The following CALN1 variants were observed in gnomAD, a reference collection of about 807,000 sequenced individuals.
CALN1 encodes calcium-binding protein 8.
In CALN1, 17 loss-of-function variants were observed where a neutral mutation model predicts 30.6. That is an observed-to-expected ratio of 0.56 (90% CI 0.38 to 0.83). The LOEUF (loss-of-function observed/expected upper bound fraction) is 0.83, where lower values mean the gene tolerates loss of function less well. Ranked by LOEUF, CALN1 falls within the 40% of genes least tolerant of loss-of-function variation. The probability of loss-of-function intolerance (pLI) is 0.00; values close to 1 mark genes in which losing one functional copy is unlikely to be tolerated. For synonymous variants in CALN1, 156 were observed against 131.4 expected (o/e 1.19, Z -1.28); for missense variants, 291 against 354.9 (o/e 0.82, Z 1.45).
intron 5 of CALN1, among the ~76,000 whole-genome samples, chr7:71,919,572 T>C (rs17144122): frequency 0.086 from 13,048 of 152,220 alleles, 975 homozygotes; most frequent in East Asian, 0.42. Context: ...TGATAGTAGC[T>C]ATAACAGAAC....
the CALN1 span, among the ~76,000 whole-genome samples, chr7:72,453,905 T>A: frequency 6.6e-6 from 1 of 152,070 alleles, no homozygotes; most frequent in Non-Finnish European, 1.5e-5. Flanking sequence ...TTGTATTACG[T>A]ATTTGTCATT....
At chr7:72,089,294 G>A (rs943117273) in intron 4 of CALN1, among the ~76,000 whole-genome samples, 2 of 152,116 alleles carry the variant, frequency 1.3e-5, no homozygotes, top group South Asian at 2.1e-4. Context: ...TCACTAAAGA[G>A]GGTAAAAGTA....
intron 6 of CALN1, among the ~76,000 whole-genome samples, chr7:71,790,397 AAAGAAAGAAAG>A (rs2115882458): frequency 8.7e-6 from 1 of 114,786 alleles, no homozygotes; most frequent in African/African-American, 4.3e-5. Flanking sequence ...AGAAAGAAAG[AAAGAAAGAAAG>A]AAAGAAAGAA....
intron 2 of CALN1, among the ~76,000 whole-genome samples, chr7:72,364,108 T>A (rs982780096): frequency 3.3e-5 from 5 of 151,708 alleles, no homozygotes; most frequent in African/African-American, 1.2e-4. Flanking sequence ...ATTTGAAAAC[T>A]CTTCTAAGGG....
intron 4 of CALN1, 137 bp downstream of exon 4, chr7:72,106,014 G>A (rs891087041): frequency 2.5e-6 from 3 of 1,188,772 alleles, no homozygotes; most frequent in African/African-American, 1.5e-5. Flanking sequence ...GAAAAAGCCT[G>A]TTCTAGTCCA....
upstream of CALN1, among the ~76,000 whole-genome samples, chr7:72,414,893 C>G (rs550360558): frequency 6.6e-6 from 1 of 152,312 alleles, no homozygotes; most frequent in African/African-American, 2.4e-5. Context: ...ACGTTGAAGC[C>G]CTCAACCCCA....
At chr7:72,141,000 T>TG (rs1809892252) in intron 3 of CALN1, among the ~76,000 whole-genome samples, 1 of 152,222 alleles carries the variant, frequency 6.6e-6, no homozygotes, top group Non-Finnish European at 1.5e-5. Flanking sequence ...CCTCCTAGTG[T>TG]GGACCATGGC....
chr7:72,298,219 T>TC (rs1799001753), intron 2 of CALN1, among the ~76,000 whole-genome samples: 1 of 145,732 alleles, frequency 6.9e-6, no homozygotes, highest in Non-Finnish European at 1.5e-5. Context: ...ATTTGACTGT[T>TC]TATGACAGAA....
intron 3 of CALN1, among the ~76,000 whole-genome samples, chr7:72,178,618 G>C (rs1343634080): frequency 6.6e-6 from 1 of 151,990 alleles, no homozygotes; most frequent in East Asian, 1.9e-4. Flanking sequence ...GAACTCGGGA[G>C]GCGGAGGTTG....
chr7:72,292,901 G>T (rs964488439), intron 2 of CALN1, among the ~76,000 whole-genome samples: 7 of 151,844 alleles, frequency 4.6e-5, no homozygotes, highest in African/African-American at 1.7e-4. Flanking sequence ...TGGGAAACCG[G>T]AGTCTCATTT....
At chr7:72,364,799 A>C (rs894588374) in intron 2 of CALN1, among the ~76,000 whole-genome samples, 2 of 152,188 alleles carry the variant, frequency 1.3e-5, no homozygotes, top group African/African-American at 4.8e-5. Flanking sequence ...AATATATAAA[A>C]TTGATTTGTT....
upstream of CALN1, among the ~76,000 whole-genome samples, chr7:72,413,216 C>T (rs1329341225): frequency 6.6e-6 from 1 of 151,652 alleles, no homozygotes; most frequent in African/African-American, 2.4e-5. Flanking sequence ...CACACACACT[C>T]ATACACACAT....
Position 72,189,115 on chromosome 7 carries a change from T to C in CALN1, c.245-82821A>G, listed in dbSNP as rs1346382220. ...TAAGAGACTCTTAACCCCCGCAAAA[T>C]TATCCAGGTTAAAAACATACGTGAG... On this transcript the variant is annotated intron_variant, in intron 3 of 6. Transcript: ENST00000395275. 2.0e-5 allele frequency among the ~76,000 whole-genome samples: 3 copies of C among 152,050 alleles called. No homozygotes were observed. The East Asian group carries it at 5.8e-4, about 29-fold the overall frequency.
chr7:72,288,803 C>T (rs762080762), intron 2 of CALN1, among the ~76,000 whole-genome samples: 2 of 152,038 alleles, frequency 1.3e-5, no homozygotes, highest in Non-Finnish European at 2.9e-5. Context: ...TGTTATTGTC[C>T]AGTGTCCAAT....
chr7:72,384,717 G>T (rs781492076), intron 2 of CALN1, among the ~76,000 whole-genome samples: 9 of 151,968 alleles, frequency 5.9e-5, no homozygotes, highest in Non-Finnish European at 1.3e-4. Context: ...ACTTCTAGAA[G>T]AAAACACAGG....
chr7:72,377,614 T>G (rs1037527364), intron 2 of CALN1, among the ~76,000 whole-genome samples: 2 of 152,206 alleles, frequency 1.3e-5, no homozygotes, highest in African/African-American at 4.8e-5. Context: ...GTTTAGCAAC[T>G]TCTCTGAACT....
chr7:72,387,274 A>AGGGAGGGAGGGAGGGAGGGAGGG (rs1562939094), intron 2 of CALN1, among the ~76,000 whole-genome samples: 1 of 11,692 alleles, frequency 8.6e-5, no homozygotes, highest in Non-Finnish European at 1.8e-4. Context: ...GGAAGGGAGG[A>AGGGAGGGAGGGAGGGAGGGAGGG]AGGGAGGGAG....
At chr7:72,159,744 A>G (rs1334107607) in intron 3 of CALN1, among the ~76,000 whole-genome samples, 10 of 152,098 alleles carry the variant, frequency 6.6e-5, no homozygotes, top group African/African-American at 1.7e-4. Context: ...GTTGCAGTGA[A>G]CCAAGATCAC....
chr7:72,109,522 C>A (rs1807411118), intron 3 of CALN1, among the ~76,000 whole-genome samples: 1 of 152,196 alleles, frequency 6.6e-6, no homozygotes, highest in Non-Finnish European at 1.5e-5. Flanking sequence ...AATTTTAGTC[C>A]AACCCAAATT....
Sources: allele counts gnomAD v4.1 joint callset (sites outside exome capture counted in the v4.1 genomes callset), GRCh38; gene constraint gnomAD v4.1.1; transcripts MANE v1.5; gene names NCBI Gene and HGNC (gene_info 2026-07-23, HGNC 2026-07-21).